Variants in RBX1 observed in about 807,000 individuals in gnomAD.
RBX1 encodes E3 ubiquitin-protein ligase RBX1.
For missense variants in RBX1, 46 were observed against 141.4 expected (o/e 0.33, Z 3.42); for synonymous variants, 48 against 47.9 (o/e 1.00, Z -0.01).
intron 4 of RBX1, among the ~76,000 whole-genome samples, chr22:40,971,450 G>A (rs2058368838): frequency 6.6e-6 from 1 of 152,072 alleles, no homozygotes; most frequent in Admixed American, 6.6e-5. Context: ...ATTTTAATCA[G>A]GTTAACTGCC....
intron 4 of RBX1, among the ~76,000 whole-genome samples, chr22:40,969,339 T>C (rs2058362348): frequency 6.6e-6 from 1 of 152,250 alleles, no homozygotes; most frequent in South Asian, 2.1e-4. Flanking sequence ...TGGACATTTG[T>C]GTTTCCAGTT....
intron 1 of RBX1, 101 bp downstream of exon 1, chr22:40,951,577 A>G (rs1288083343): frequency 6.1e-6 from 7 of 1,149,734 alleles, no homozygotes; most frequent in Middle Eastern, 4.0e-4. Flanking sequence ...GTTTCATTTC[A>G]GGGCGTTCCT....
intron 2 of RBX1, among the ~76,000 whole-genome samples, chr22:40,962,083 C>A (rs1424479516): frequency 6.8e-6 from 1 of 147,398 alleles, no homozygotes; most frequent in African/African-American, 2.7e-5. Context: ...TACTCCCAGC[C>A]TTTTATGGTT....
In RBX1 at chr22:40,962,618, C is replaced by T. The variant is rs562044450; in HGVS notation, c.158-1429C>T. ...TCAAGCAATTCTTCTGCCTCAGCCT[C>T]CTGAATAGCTGGGACTACAGGCGCC... On this transcript the variant is annotated intron_variant, in intron 2 of 4. Coordinates refer to ENST00000216225, the MANE Select transcript of RBX1 (RefSeq NM_014248.4). 4.0e-5 allele frequency among the ~76,000 whole-genome samples: 6 copies of T among 151,370 alleles called. No homozygotes were observed. The South Asian group carries it at 1.2e-3, about 31-fold the overall frequency.
At chr22:40,969,431 G>A (rs890999816) in intron 4 of RBX1, among the ~76,000 whole-genome samples, 1 of 152,106 alleles carries the variant, frequency 6.6e-6, no homozygotes, top group Non-Finnish European at 1.5e-5. Context: ...ATCTGGAGCA[G>A]TAATTCCTAA....
chr22:40,954,223 C>T (rs1185474000), intron 2 of RBX1, among the ~76,000 whole-genome samples: 1 of 148,604 alleles, frequency 6.7e-6, no homozygotes, highest in Non-Finnish European at 1.5e-5. Context: ...GAGCCGAGAT[C>T]ACACCACTGC....
At chr22:40,972,396 C>G (rs984032416) in intron 4 of RBX1, 80 bp from the exon 5 acceptor site, 1 of 1,099,538 alleles carries the variant, frequency 9.1e-7, no homozygotes, top group East Asian at 2.4e-5. Flanking sequence ...ACTAAAGTTG[C>G]TTATGTGTTT....
chr22:40,964,184 T>A, intron 3 of RBX1, 67 bp downstream of exon 3: 1 of 1,269,888 alleles, frequency 7.9e-7, no homozygotes, highest in South Asian at 1.2e-5. Context: ...GCTTTGCTAG[T>A]CTTGAAAATA....
At chr22:40,952,163 G>C (rs1040849405) in intron 1 of RBX1, among the ~76,000 whole-genome samples, 6 of 152,186 alleles carry the variant, frequency 3.9e-5, no homozygotes, top group Non-Finnish European at 1.5e-5. Context: ...GGTGGAACTT[G>C]TTAAGAAAAT....
rs150061126 is a variant in RBX1, at chr22:40,967,629, C to T, written c.229-170C>T. 2.3e-3 allele frequency: 1,278 copies of T among 546,836 alleles called. 3 individuals carry two copies. The highest frequency in any genetic ancestry group is 3.3e-3 in the Non-Finnish European group (995 of 306,084). The allele number at this position is 546,836 out of a possible 1,614,324, so 33.9% of individuals were successfully genotyped here. A position where few individuals can be genotyped will look rare whatever the true frequency, so the allele number is the denominator to read the frequency against. ...TAACAAATGCTTTGTTGGAAATACCCTTGCATCTAACCAAGATATAATCAG... is the reference window on the plus strand; with the variant it reads ...TAACAAATGCTTTGTTGGAAATACCTTTGCATCTAACCAAGATATAATCAG... On this transcript the variant is annotated intron_variant, in intron 3 of 4. Transcript: ENST00000216225.
At chr22:40,953,661 A>G in intron 2 of RBX1, 28 bp downstream of exon 2, 2 of 1,493,802 alleles carry the variant, frequency 1.3e-6, no homozygotes, top group Non-Finnish European at 1.9e-6. Context: ...GATGGGAGGA[A>G]GTTGAGAAGG....
rs2058372223 is a variant in RBX1, at chr22:40,972,647, T to A, written c.*159T>A. On this transcript the variant is annotated 3_prime_UTR_variant, in exon 5 of 5. Coordinates refer to ENST00000216225, the MANE Select transcript of RBX1 (RefSeq NM_014248.4). ...ATATTGTATTCTGTGTCAAATAAAG[T>A]CCAGTTGGATTCTGGAACGGATGCT... The A allele has an allele frequency of 1.6e-6, 1 of 609,868 alleles. No homozygotes were observed. Among genetic ancestry groups the A allele is most frequent in the African/African-American group, 1.8e-5 (1 of 54,088 alleles). The allele number at this position is 609,868 out of a possible 1,614,324, so 37.8% of individuals were successfully genotyped here.
chr22:40,966,313 C>G (rs1158434589), intron 3 of RBX1: 4 of 152,182 alleles, frequency 2.6e-5, no homozygotes, highest in Non-Finnish European at 4.4e-5. Flanking sequence ...CCTGACACCT[C>G]CTTTACAGCC....
At chr22:40,957,043 C>A (rs1278267994) in intron 2 of RBX1, among the ~76,000 whole-genome samples, 48 of 145,334 alleles carry the variant, frequency 3.3e-4, no homozygotes, top group Non-Finnish European at 1.5e-5. Context: ...TCAACAACAA[C>A]AAAAAAAAGA....
chr22:40,965,766 T>C (rs1438606367), intron 3 of RBX1, among the ~76,000 whole-genome samples: 3 of 152,190 alleles, frequency 2.0e-5, no homozygotes, highest in African/African-American at 7.2e-5. Context: ...CGGGTACACC[T>C]TCTTCCATCT....
chr22:40,956,333 A>G (rs960489285), intron 2 of RBX1, among the ~76,000 whole-genome samples: 1 of 151,352 alleles, frequency 6.6e-6, no homozygotes, highest in African/African-American at 2.4e-5. Flanking sequence ...CAATGAATAT[A>G]TCCTGAGCAT....
At chr22:40,959,307 T>C (rs1332807730) in intron 2 of RBX1, among the ~76,000 whole-genome samples, 4 of 152,202 alleles carry the variant, frequency 2.6e-5, no homozygotes, top group Admixed American at 6.5e-5. Context: ...CTGTTCTGGG[T>C]TGACAGTGAA....
chr22:40,962,955 C>T (rs2058345246), intron 2 of RBX1, among the ~76,000 whole-genome samples: 1 of 151,282 alleles, frequency 6.6e-6, no homozygotes, highest in Admixed American at 6.6e-5. Context: ...CTCGGCCTCC[C>T]AAAGTGCTGA....
rs2146303719 is a variant in RBX1, at chr22:40,968,609, A to G, written c.314+725A>G. 1.3e-5 allele frequency among the ~76,000 whole-genome samples: 2 copies of G among 152,250 alleles called. 1 individual carries two copies. Among genetic ancestry groups the G allele is most frequent in the South Asian group, 4.1e-4 (2 of 4,826 alleles). On this transcript the variant is annotated intron_variant, in intron 4 of 4. Coordinates refer to ENST00000216225, the MANE Select transcript of RBX1 (RefSeq NM_014248.4). ...GCTATCCTGATTAGATTTTATTGTT[A>G]TATAAATAAAACATGACCTGGTAAA...
Sources: allele counts gnomAD v4.1 joint callset (sites outside exome capture counted in the v4.1 genomes callset), GRCh38; gene constraint gnomAD v4.1.1; transcripts MANE v1.5; gene names NCBI Gene and HGNC (gene_info 2026-07-23, HGNC 2026-07-21).